Variants in CLK1 observed in about 807,000 individuals in gnomAD.
CLK1 encodes the protein CDC like kinase 1.
CLK1 carries 40 observed loss-of-function variants against 60.9 expected under a neutral mutation model. That is an observed-to-expected ratio of 0.66 (90% CI 0.51 to 0.86). The LOEUF (loss-of-function observed/expected upper bound fraction) is 0.86. Among genes scored for constraint, CLK1 ranks in the 40% least tolerant of loss-of-function variants. The pLI is 0.00. For synonymous variants in CLK1, 203 were observed against 184.4 expected, an observed-to-expected ratio of 1.10 and a Z score of -0.82; for missense variants, 563 against 606.1, an observed-to-expected ratio of 0.93 and a Z score of 0.75.
At chr2:200,864,537 C>A (rs982109354) in intron 1 of CLK1, 27 bp downstream of exon 1, 2 of 369,682 alleles carry the variant, frequency 5.4e-6, no homozygotes, top group South Asian at 8.0e-5. Flanking sequence ...GGCCCTGTCA[C>A]CTAGTCCGCT....
intron 10 of CLK1, 27 bp from the exon 11 acceptor site, chr2:200,854,722 G>T: frequency 6.7e-7 from 1 of 1,499,900 alleles, no homozygotes; most frequent in South Asian, 1.1e-5. Flanking sequence ...AACAGACTTG[G>T]GGAAGATGAC....
chr2:200,861,064 T>C, intron 3 of CLK1, 174 bp downstream of exon 3: 1 of 1,417,462 alleles, frequency 7.1e-7, no homozygotes, highest in Non-Finnish European at 9.2e-7. Flanking sequence ...GAACTAAATG[T>C]GTACTTTATT....
At chr2:200,862,321 C>T (rs549503125) in intron 1 of CLK1, among the ~76,000 whole-genome samples, 3 of 152,160 alleles carry the variant, frequency 2.0e-5, no homozygotes, top group Non-Finnish European at 4.4e-5. Context: ...TAAAAATAGC[C>T]TTAACTGATG....
chr2:200,857,565 C>T, intron 7 of CLK1, 153 bp downstream of exon 7: 1 of 600,636 alleles, frequency 1.7e-6, no homozygotes, highest in Non-Finnish European at 2.8e-6. Flanking sequence ...ATGTACACTG[C>T]TGGATCAACA....
intron 1 of CLK1, chr2:200,864,164 C>T: frequency 6.4e-7 from 1 of 1,551,242 alleles, no homozygotes. Flanking sequence ...GCAAATCCCC[C>T]CTCAACGGGG....
At chr2:200,864,232 A>T (rs766999444) in intron 1 of CLK1, 1 of 1,543,450 alleles carries the variant, frequency 6.5e-7, no homozygotes, top group Middle Eastern at 1.7e-4. Context: ...GCCATCTTAC[A>T]GCTCCGCCGA....
intron 7 of CLK1, 44 bp downstream of exon 7, chr2:200,857,674 A>G (rs1290333198): frequency 6.7e-7 from 1 of 1,499,132 alleles, no homozygotes; most frequent in Non-Finnish European, 9.0e-7. Flanking sequence ...GATATGTGGA[A>G]TGGATAAAAC....
chr2:200,855,726 T>A (rs1261769686), intron 9 of CLK1, among the ~76,000 whole-genome samples: 1 of 151,238 alleles, frequency 6.6e-6, no homozygotes, highest in Non-Finnish European at 1.5e-5. Context: ...ACAATATATA[T>A]GGCCGGGCGC....
chr2:200,855,502 G>A (rs979242917), intron 9 of CLK1, among the ~76,000 whole-genome samples: 5 of 152,082 alleles, frequency 3.3e-5, no homozygotes, highest in Admixed American at 6.6e-5. Context: ...GCAGGCACCT[G>A]TAGTCCCAGC....
chr2:200,863,076 A>G (rs1287129811), intron 1 of CLK1: 1 of 152,244 alleles, frequency 6.6e-6, no homozygotes, highest in African/African-American at 2.4e-5. Context: ...GACATTATAC[A>G]GAAATTACTT....
intron 1 of CLK1, among the ~76,000 whole-genome samples, chr2:200,863,544 G>A (rs976573250): frequency 6.6e-6 from 1 of 151,860 alleles, no homozygotes; most frequent in Non-Finnish European, 1.5e-5. Context: ...GGCGACAGGG[G>A]CGAGACCTTG....
intron 12 of CLK1, 39 bp from the exon 13 acceptor site, chr2:200,853,488 A>G: frequency 6.5e-7 from 1 of 1,541,032 alleles, no homozygotes; most frequent in Non-Finnish European, 8.8e-7. Flanking sequence ...AGCCTTTTCC[A>G]CTACCATTGA....
Position 200,856,718 on chromosome 2 carries a change from A to G in CLK1, c.1021T>C (p.Ser341Pro). Residue 341 changes from serine (S) to proline (P), a missense_variant, in exon 9 of 13, where the codon TCT (serine) becomes CCT (proline). Physicochemically the swap from Ser to Pro is moderately conservative, Grantham distance 74 (BLOSUM62 -1). Around this residue, in one of 3 missense-constraint regions of CLK1, gnomAD observed 360 missense variants for 407.0 expected, o/e 0.88. Transcript: ENST00000321356. ...TCAGGTGCTCTATAATGTCTTGTAG[A>G]TACCAATGTACTGTGATGTTCGTCA... ...YDDEHHSTLV[S>P]TRHYRAPEVI... 2 of 1,610,460 alleles carry G rather than the reference A, an allele frequency of 1.2e-6. No individual in the cohort carries two copies. Among genetic ancestry groups the G allele is most frequent in the East Asian group, 2.2e-5 (1 of 44,826 alleles).
At chr2:200,861,182 T>C in intron 3 of CLK1, 56 bp downstream of exon 3, 2 of 1,561,760 alleles carry the variant, frequency 1.3e-6, no homozygotes, top group Non-Finnish European at 8.7e-7. Flanking sequence ...AAAATTCAAG[T>C]TTCCCTGTTC....
intron 3 of CLK1, chr2:200,860,517 T>C: frequency 9.1e-7 from 1 of 1,094,550 alleles, no homozygotes; most frequent in Non-Finnish European, 1.1e-6. Context: ...TGCTTAGTTG[T>C]AGCATTCACT....
rs2038980190 is a variant in CLK1, at chr2:200,853,468, T to C, written c.1312-19A>G. 2 of 1,599,802 alleles carry C rather than the reference T, an allele frequency of 1.3e-6. No individual in the cohort carries two copies. The highest frequency in any genetic ancestry group is 1.7e-6 in the Non-Finnish European group (2 of 1,176,048). ...TAAATTCCTGGAAGAAAAAAAGAAA[T>C]TCATTCAACAGCCTTTTCCACTACC... On this transcript the variant is annotated intron_variant, in intron 12 of 12. Transcript: ENST00000321356.
rs776452456 is a variant in CLK1 at position 200,853,398 on chromosome 2, G to C, written c.1363C>G (p.Gln455Glu). ...VEHERLFDLI[Q>E]KMLEYDPAKR... Reference sequence around the variant, plus strand: ...GCTGGATCATACTCCAACATTTTCTGAATGAGGTCAAAGAGACGCTCATGT... The same window carrying C: ...GCTGGATCATACTCCAACATTTTCTCAATGAGGTCAAAGAGACGCTCATGT... The change falls in exon 13 of 13, where the codon CAG becomes GAG. Residue 455 changes from glutamine to glutamate, a missense_variant. Physicochemically the swap from Gln to Glu is conservative, Grantham distance 29. This residue lies in a region of CLK1 where 360 missense variants were observed against 407.0 expected (regional missense o/e 0.88). Coordinates refer to ENST00000321356, the MANE Select transcript of CLK1 (RefSeq NM_004071.4). 5.0e-6 allele frequency: 8 copies of C among 1,613,088 alleles called. No individual in the cohort carries two copies. Among genetic ancestry groups the C allele is most frequent in the Non-Finnish European group, 5.9e-6 (7 of 1,179,612 alleles).
At chr2:200,863,336 G>A (rs1251050731) in intron 1 of CLK1, 3 of 149,436 alleles carry the variant, frequency 2.0e-5, no homozygotes, top group Non-Finnish European at 4.5e-5. Flanking sequence ...AAGCAGGAGG[G>A]CTGCTTGAGC....
Position 200,857,707 on chromosome 2 carries a change from C to G in CLK1, c.832+11G>C. 2 of 1,573,088 alleles carry G rather than the reference C, an allele frequency of 1.3e-6. No homozygotes were observed. Among genetic ancestry groups the G allele is most frequent in the Non-Finnish European group, 1.7e-6 (2 of 1,158,148 alleles). ...AACCAGCAAATTAACGAAGATATACCAAGAACTTACAATTCACAGACTTGC... is the reference window on the plus strand; with the variant it reads ...AACCAGCAAATTAACGAAGATATACGAAGAACTTACAATTCACAGACTTGC... On this transcript the variant is annotated intron_variant, in intron 7 of 12. Transcript: ENST00000321356.
Sources: allele counts gnomAD v4.1 joint callset (sites outside exome capture counted in the v4.1 genomes callset), GRCh38; gene constraint gnomAD v4.1.1; regional missense constraint gnomAD v4.1.1; transcripts MANE v1.5; gene names NCBI Gene and HGNC (gene_info 2026-07-23, HGNC 2026-07-21).